The following PCDH7 variants were observed in gnomAD, a reference collection of about 807,000 sequenced individuals.
The protein encoded by PCDH7 is protocadherin-7.
A neutral mutation model predicts 58.9 loss-of-function variants in PCDH7; 17 were observed. The observed-to-expected ratio is 0.29, with a 90% CI of 0.20 to 0.43. The LOEUF (loss-of-function observed/expected upper bound fraction) is 0.43, where lower values mean the gene tolerates loss of function less well. PCDH7 is among the 20% of genes least tolerant of loss of function. The pLI is 1.00. For missense variants in PCDH7, 1,274 were observed against 1,441.0 expected, an observed-to-expected ratio of 0.88 and a Z score of 1.88; for synonymous variants, 664 against 616.4, an observed-to-expected ratio of 1.08 and a Z score of -1.14.
chr4:30,893,806 C>A (rs1341168535), intron 1 of PCDH7, among the ~76,000 whole-genome samples: 3 of 152,070 alleles, frequency 2.0e-5, no homozygotes, highest in Non-Finnish European at 4.4e-5. Flanking sequence ...GGACCACATG[C>A]CTTCCATATG....
intron 1 of PCDH7, among the ~76,000 whole-genome samples, chr4:30,880,566 A>G (rs1460601532): frequency 6.6e-6 from 1 of 152,126 alleles, no homozygotes; most frequent in South Asian, 2.1e-4. Context: ...ACTTTCTGTC[A>G]TACAACCTGA....
intron 1 of PCDH7, among the ~76,000 whole-genome samples, chr4:30,753,989 A>G (rs1042345555): frequency 6.6e-6 from 1 of 152,212 alleles, no homozygotes; most frequent in Non-Finnish European, 1.5e-5. Context: ...AAACTACCAG[A>G]CATAACAGCA....
At chr4:30,818,589 A>G (rs1452991951) in intron 1 of PCDH7, among the ~76,000 whole-genome samples, 1 of 152,208 alleles carries the variant, frequency 6.6e-6, no homozygotes, top group East Asian at 1.9e-4. Flanking sequence ...CCATACAAAC[A>G]TAGTAACCCT....
At chr4:30,905,743 A>G (rs1313880613) in intron 1 of PCDH7, among the ~76,000 whole-genome samples, 3 of 152,334 alleles carry the variant, frequency 2.0e-5, no homozygotes, top group East Asian at 1.9e-4. Flanking sequence ...GGGTGTAATC[A>G]TAGAGCCTTA....
intron 3 of PCDH7, among the ~76,000 whole-genome samples, chr4:31,053,680 C>A (rs1487740405): frequency 1.3e-5 from 2 of 152,150 alleles, no homozygotes; most frequent in Non-Finnish European, 2.9e-5. Context: ...GACTTCATGA[C>A]CCTCTGCATG....
intron 1 of PCDH7, among the ~76,000 whole-genome samples, chr4:30,882,275 T>C (rs1247689317): frequency 1.3e-5 from 2 of 151,858 alleles, no homozygotes; most frequent in East Asian, 1.9e-4. Flanking sequence ...CTTTGTCTTC[T>C]TCTTGGAGAA....
At position 30,781,689 on chromosome 4, in the gene PCDH7, A is replaced by G. The variant is rs898668810; in HGVS notation, c.70+57093A>G. ...GTAGCTGGGTTTACAGGCATGCGCC[A>G]CCATGCCCGGCTAATTTTGTATTTT... is the stretch of plus-strand genomic sequence containing the variant. On this transcript the variant is annotated intron_variant, in intron 1 of 3. Coordinates refer to the PCDH7 transcript ENST00000509759. 1.1e-4 allele frequency among the ~76,000 whole-genome samples: 17 copies of G among 151,984 alleles called. 1 individual carries two copies. Among genetic ancestry groups the G allele is most frequent in the Admixed American group, 6.6e-5 (1 of 15,252 alleles).
intron 1 of PCDH7, among the ~76,000 whole-genome samples, chr4:30,859,445 T>TC: frequency 6.6e-6 from 1 of 151,962 alleles, no homozygotes; most frequent in South Asian, 2.1e-4. Context: ...CTTTTTTTTT[T>TC]TTCTTTTTTT....
chr4:30,749,265 C>A (rs1718180574), intron 1 of PCDH7, among the ~76,000 whole-genome samples: 1 of 152,174 alleles, frequency 6.6e-6, no homozygotes, highest in South Asian at 2.1e-4. Context: ...GAAATATTAC[C>A]TGTTACTGCT....
At chr4:30,905,689 C>T (rs963370258) in intron 1 of PCDH7, among the ~76,000 whole-genome samples, 1 of 152,148 alleles carries the variant, frequency 6.6e-6, no homozygotes, top group African/African-American at 2.4e-5. Flanking sequence ...TTGTCAATAT[C>T]TCTTTTCCTG....
intron 1 of PCDH7, among the ~76,000 whole-genome samples, chr4:30,790,340 A>G (rs1723954511): frequency 6.6e-6 from 1 of 152,178 alleles, no homozygotes; most frequent in Non-Finnish European, 1.5e-5. Flanking sequence ...AGATACACAG[A>G]GTTTCAGTAA....
intron 3 of PCDH7, among the ~76,000 whole-genome samples, chr4:31,065,898 T>TGAG (rs1758047117): frequency 6.6e-6 from 1 of 151,900 alleles, no homozygotes; most frequent in African/African-American, 2.4e-5. Context: ...GCAATATAAT[T>TGAG]TCACTGCGAA....
downstream of PCDH7, among the ~76,000 whole-genome samples, chr4:30,737,142 C>T (rs1334103779): frequency 6.6e-6 from 1 of 152,076 alleles, no homozygotes; most frequent in Admixed American, 6.5e-5. Flanking sequence ...TGTGAAGTCC[C>T]GTTCAAGTCT....
chr4:30,795,373 A>T (rs770534494), intron 1 of PCDH7, among the ~76,000 whole-genome samples: 17 of 151,682 alleles, frequency 1.1e-4, no homozygotes, highest in Non-Finnish European at 2.5e-4. Flanking sequence ...CATACACAAT[A>T]TAATATATAA....
intron 1 of PCDH7, among the ~76,000 whole-genome samples, chr4:30,812,061 T>C (rs998369528): frequency 6.6e-6 from 1 of 152,228 alleles, no homozygotes; most frequent in Non-Finnish European, 1.5e-5. Flanking sequence ...AGTTACATTA[T>C]TGAAGAAATA....
chr4:30,896,094 A>G (rs1429966357), intron 1 of PCDH7, among the ~76,000 whole-genome samples: 3 of 152,198 alleles, frequency 2.0e-5, no homozygotes. Context: ...ACTCCATGAC[A>G]TAACTACATA....
At chr4:30,968,078 C>T (rs1749150389) in intron 3 of PCDH7, among the ~76,000 whole-genome samples, 1 of 151,362 alleles carries the variant, frequency 6.6e-6, no homozygotes, top group Admixed American at 6.6e-5. Flanking sequence ...AAAATATATC[C>T]CTAAAAACTA....
At chr4:30,911,721 CT>C (rs1235421697) in intron 1 of PCDH7, among the ~76,000 whole-genome samples, 2 of 152,042 alleles carry the variant, frequency 1.3e-5, no homozygotes, top group Non-Finnish European at 2.9e-5. Flanking sequence ...CTGACTTGCA[CT>C]TTTAGGCTAG....
At chr4:30,914,367 A>G (rs4692489) in intron 1 of PCDH7, among the ~76,000 whole-genome samples, 99,927 of 151,944 alleles carry the variant, frequency 0.66, 32,877 homozygotes, top group South Asian at 0.67. Flanking sequence ...GTATGTCCTT[A>G]AGTGAAAGTC....
Sources: allele counts gnomAD v4.1 joint callset (sites outside exome capture counted in the v4.1 genomes callset), GRCh38; gene constraint gnomAD v4.1.1; transcripts MANE v1.5; gene names NCBI Gene and HGNC (gene_info 2026-07-23, HGNC 2026-07-21).